Variants in INTS4 observed in about 807,000 individuals in gnomAD.
INTS4 encodes integrator complex subunit 4.
INTS4 carries 70 observed loss-of-function variants against 119.5 expected under a neutral mutation model. The ratio of observed to expected loss-of-function variants is 0.59; its 90% CI spans 0.48 to 0.71. The LOEUF is 0.71. Among genes scored for constraint, INTS4 ranks in the 30% least tolerant of loss-of-function variants. The pLI is 0.00. For synonymous variants in INTS4, 316 were observed against 419.6 expected, an observed-to-expected ratio of 0.75 and a Z score of 3.02; for missense variants, 867 against 1,173.2, an observed-to-expected ratio of 0.74 and a Z score of 3.81.
chr11:77,991,445 G>A lies in INTS4; in HGVS notation c.55-146C>T, dbSNP rs187872439. 2.4e-4 allele frequency: 160 copies of A among 671,438 alleles called. 1 individual carries two copies. The East Asian group carries it at 2.7e-3, about 11-fold the overall frequency. The allele number at this position is 671,438 out of a possible 1,614,324, so 41.6% of individuals were successfully genotyped here. A position where few individuals can be genotyped will look rare whatever the true frequency, so the allele number is the denominator to read the frequency against. On this transcript the variant is annotated intron_variant, in intron 1 of 22. Coordinates refer to ENST00000534064, the MANE Select transcript of INTS4 (RefSeq NM_033547.4). ...AGTATTATAAACCAGAAAGAGTACC[G>A]GGTTGGTGACAAGGCCATGAGTCTC...
chr11:77,874,748 A>G (rs1951551568), downstream of INTS4, among the ~76,000 whole-genome samples: 1 of 152,102 alleles, frequency 6.6e-6, no homozygotes, highest in African/African-American at 2.4e-5. Flanking sequence ...GGTTAAGACA[A>G]GAAGTTGGCC....
At chr11:77,934,280 G>C (rs1283357659) in intron 10 of INTS4, among the ~76,000 whole-genome samples, 1 of 151,586 alleles carries the variant, frequency 6.6e-6, no homozygotes, top group East Asian at 1.9e-4. Context: ...CTCTGCCTAG[G>C]AAAACCAGAG....
At chr11:77,880,593 C>G (rs1416188283) in intron 22 of INTS4, among the ~76,000 whole-genome samples, 9 of 152,160 alleles carry the variant, frequency 5.9e-5, no homozygotes, top group Non-Finnish European at 7.3e-5. Context: ...GCTTTCCTGC[C>G]ACACTCTCCC....
chr11:77,970,008 G>A (rs1354174465), intron 4 of INTS4, among the ~76,000 whole-genome samples: 2 of 152,054 alleles, frequency 1.3e-5, no homozygotes, highest in Non-Finnish European at 2.9e-5. Flanking sequence ...TTTTTAATGG[G>A]CAAATAATAT....
chr11:77,911,160 G>A (rs1224584316), intron 15 of INTS4: 1 of 1,181,970 alleles, frequency 8.5e-7, no homozygotes, highest in Non-Finnish European at 1.1e-6. Flanking sequence ...TGCCTACAAA[G>A]GGGCAAAGAG....
chr11:77,954,771 T>C lies in INTS4; in HGVS notation c.918+1171A>G, dbSNP rs186102385. On this transcript the variant is annotated intron_variant, in intron 8 of 22. Transcript: ENST00000534064. ...ACAGCAGGCAGAGCTCAGGCAGTAA[T>C]ACTTGCTCATCTACCACTCACCTCC... Among the ~76,000 whole-genome samples, 47 of 152,298 alleles carry C rather than the reference T, an allele frequency of 3.1e-4. No individual in the cohort carries two copies. The South Asian group carries it at 3.5e-3, about 11-fold the overall frequency.
chr11:77,878,635 C>T, downstream of INTS4: 1 of 613,548 alleles, frequency 1.6e-6, no homozygotes, highest in Non-Finnish European at 2.9e-6. Context: ...GTGTTTCACA[C>T]CTGAGGAATA....
At chr11:77,965,050 T>C (rs1855439673) in intron 4 of INTS4, among the ~76,000 whole-genome samples, 1 of 152,212 alleles carries the variant, frequency 6.6e-6, no homozygotes, top group African/African-American at 2.4e-5. Flanking sequence ...GGTGAGACAT[T>C]TGAAATATTC....
chr11:77,889,916 C>T (rs1374805822), intron 21 of INTS4, among the ~76,000 whole-genome samples: 3 of 152,142 alleles, frequency 2.0e-5, no homozygotes, highest in South Asian at 2.1e-4. Context: ...ATCTCCTTTA[C>T]GCTCAGGTGA....
At chr11:77,930,790 G>C (rs1953627889) in intron 10 of INTS4, among the ~76,000 whole-genome samples, 2 of 150,170 alleles carry the variant, frequency 1.3e-5, no homozygotes, top group Non-Finnish European at 2.9e-5. Flanking sequence ...CACCAGCCTG[G>C]GCAACACAGT....
chr11:77,945,481 A>G (rs1188176443), intron 8 of INTS4, among the ~76,000 whole-genome samples: 1 of 152,190 alleles, frequency 6.6e-6, no homozygotes, highest in Non-Finnish European at 1.5e-5. Context: ...TGATCACATG[A>G]TGGCCTGCAG....
chr11:77,964,578 A>C (rs921750949), intron 4 of INTS4, among the ~76,000 whole-genome samples: 1 of 151,702 alleles, frequency 6.6e-6, no homozygotes, highest in Admixed American at 6.6e-5. Context: ...TTTCTCAAAA[A>C]TAAAAATAAA....
At chr11:77,909,613 T>C (rs1185906824) in intron 15 of INTS4, among the ~76,000 whole-genome samples, 41 of 152,184 alleles carry the variant, frequency 2.7e-4, no homozygotes, top group Admixed American at 2.6e-3. Context: ...GGGGGAGACA[T>C]AAACTTTCAG....
At chr11:77,919,077 C>G (rs1161945467) in intron 14 of INTS4, 99 bp from the exon 15 acceptor site, 44 of 1,268,250 alleles carry the variant, frequency 3.5e-5, no homozygotes, top group Non-Finnish European at 4.9e-5. Context: ...GTGAGCTAAA[C>G]AAAACAAAGG....
At chr11:77,965,847 T>A (rs1855482111) in intron 4 of INTS4, among the ~76,000 whole-genome samples, 1 of 152,248 alleles carries the variant, frequency 6.6e-6, no homozygotes, top group Admixed American at 6.5e-5. Flanking sequence ...TACCCGGAAG[T>A]GGGATGACTA....
At position 77,912,621 on chromosome 11, in the gene INTS4, C is replaced by T. The variant is rs149541962; in HGVS notation, c.1923-4811G>A. Among the ~76,000 whole-genome samples the T allele has an allele frequency of 9.1e-3, 1,379 of 152,128 alleles. 21 individuals carry two copies. Among genetic ancestry groups the T allele is most frequent in the African/African-American group, 0.03 (1,257 of 41,506 alleles). On this transcript the variant is annotated intron_variant, in intron 15 of 22. Transcript: ENST00000534064. ...AAATGTAGTTTATTTTTTTCAATCTCTTAGAATCTCTAAAAATCAAATTTA... is the reference window on the plus strand; with the variant it reads ...AAATGTAGTTTATTTTTTTCAATCTTTTAGAATCTCTAAAAATCAAATTTA...
At chr11:77,951,065 A>G (rs1416041764) in intron 8 of INTS4, among the ~76,000 whole-genome samples, 2 of 151,836 alleles carry the variant, frequency 1.3e-5, no homozygotes, top group Non-Finnish European at 2.9e-5. Flanking sequence ...ATCATTTTTT[A>G]TGGCTGCATA....
intron 22 of INTS4, among the ~76,000 whole-genome samples, chr11:77,883,516 C>T (rs767877410): frequency 8.5e-5 from 13 of 152,130 alleles, no homozygotes; most frequent in Admixed American, 3.3e-4. Flanking sequence ...CCAAGCAAGT[C>T]GGTGGCAGTT....
chr11:77,991,493 A>G (rs1456648506), intron 1 of INTS4, among the ~76,000 whole-genome samples, 194 bp from the exon 2 acceptor site: 1 of 152,104 alleles, frequency 6.6e-6, no homozygotes, highest in African/African-American at 2.4e-5. Flanking sequence ...ACCAGTTCCT[A>G]TGACTTTAGG....
Sources: allele counts gnomAD v4.1 joint callset (sites outside exome capture counted in the v4.1 genomes callset), GRCh38; gene constraint gnomAD v4.1.1; transcripts MANE v1.5; gene names NCBI Gene and HGNC (gene_info 2026-07-23, HGNC 2026-07-21).